CRPPA: variants seen among roughly 807,000 people sequenced by gnomAD.
CRPPA encodes CDP-L-ribitol pyrophosphorylase A.
CRPPA carries 43 observed loss-of-function variants against 52.0 expected under a neutral mutation model. That is an observed-to-expected ratio of 0.83 (90% CI 0.65 to 1.07). The LOEUF is 1.07. CRPPA is among the 50% of genes least tolerant of loss of function. The pLI, the probability that CRPPA is intolerant of heterozygous loss-of-function variation, is 0.00. For synonymous variants in CRPPA, 250 were observed against 203.5 expected, an observed-to-expected ratio of 1.23 and a Z score of -1.94; for missense variants, 629 against 551.7, an observed-to-expected ratio of 1.14 and a Z score of -1.40.
rs1231724290 is a variant in CRPPA at position 16,088,207 on chromosome 7, T to C, written c.*3488A>G. The stretch of plus-strand genomic sequence containing the variant: ...TAAGACGACTAACTTTAATTTGCAT[T>C]TAACTAACTAGCGTAAGTTTAGAAA... On this transcript the variant is annotated 3_prime_UTR_variant, in exon 10 of 10. Coordinates refer to ENST00000407010, the MANE Select transcript of CRPPA (RefSeq NM_001101426.4). The C allele has an allele frequency of 6.6e-6, 1 of 152,188 alleles. No individual in the cohort carries two copies. Among genetic ancestry groups the C allele is most frequent in the Non-Finnish European group, 1.5e-5 (1 of 68,036 alleles). The allele number at this position is 152,188 out of a possible 1,614,324, so 9.4% of individuals were successfully genotyped here.
rs895615222 is a variant in CRPPA at position 16,276,650 on chromosome 7, T to C, written c.933+1479A>G. The C allele has an allele frequency of 2.6e-5, 4 of 152,218 alleles. No individual in the cohort carries two copies. In the South Asian group the frequency reaches 6.2e-4, roughly 24 times the overall value. 9.4% of individuals were successfully genotyped at this position (152,218 alleles called of 1,614,324 possible). A position where few individuals can be genotyped will look rare whatever the true frequency, so the allele number is the denominator to read the frequency against. ...CATGAGCCCTCACTAGAGCATCTAT[T>C]GGAGGATTAGTTCCAGAAAACCAAA... On this transcript the variant is annotated intron_variant, in intron 6 of 9. Coordinates refer to ENST00000407010, the MANE Select transcript of CRPPA (RefSeq NM_001101426.4).
intron 9 of CRPPA, among the ~76,000 whole-genome samples, chr7:16,168,880 C>T (rs1330139469): frequency 6.6e-6 from 1 of 152,146 alleles, no homozygotes; most frequent in African/African-American, 2.4e-5. Context: ...GATAACTACT[C>T]AAGCAATTAC....
intron 9 of CRPPA, among the ~76,000 whole-genome samples, chr7:16,175,076 T>A (rs1781268205): frequency 6.6e-6 from 1 of 152,092 alleles, no homozygotes; most frequent in African/African-American, 2.4e-5. Flanking sequence ...GTACTGTACT[T>A]TAGGCAGTCC....
At chr7:16,287,519 A>G (rs1182566519) in intron 5 of CRPPA, among the ~76,000 whole-genome samples, 1 of 152,140 alleles carries the variant, frequency 6.6e-6, no homozygotes, top group Non-Finnish European at 1.5e-5. Flanking sequence ...TTGGAATCCT[A>G]CCCACCAGTA....
chr7:16,254,191 G>A (rs1169415034), intron 8 of CRPPA, among the ~76,000 whole-genome samples: 2 of 152,246 alleles, frequency 1.3e-5, no homozygotes, highest in South Asian at 2.1e-4. Flanking sequence ...AATTCCTCAA[G>A]GATCTAGAAC....
At chr7:16,391,460 A>G (rs973155736) in intron 2 of CRPPA, among the ~76,000 whole-genome samples, 1 of 152,120 alleles carries the variant, frequency 6.6e-6, no homozygotes, top group African/African-American at 2.4e-5. Flanking sequence ...TCCACAGCCT[A>G]TTCTTCACAA....
In CRPPA at chr7:16,421,107, C is replaced by T; in HGVS notation, c.216G>A (p.Leu72=). The T allele has an allele frequency of 1.5e-6, 2 of 1,308,648 alleles. No individual in the cohort carries two copies. The highest frequency in any genetic ancestry group is 2.0e-6 in the Non-Finnish European group (2 of 1,022,066). The allele number at this position is 1,308,648 out of a possible 1,614,324, so 81.1% of individuals were successfully genotyped here. The part of the protein sequence containing the change: ...VPTPKQFCPI[L]ERPLISYTLQ... Reference sequence around the variant, plus strand: ...GGGTGTAGCTGATGAGCGGCCTCTCCAGGATGGGGCAGAATTGCTTCGGGG... The same window carrying T: ...GGGTGTAGCTGATGAGCGGCCTCTCTAGGATGGGGCAGAATTGCTTCGGGG... The change falls in exon 1 of 10, where the codon CTG becomes CTA. Residue 72 remains leucine (L), a synonymous_variant. Transcript: ENST00000407010.
At chr7:16,179,965 T>C (rs190256163) in intron 9 of CRPPA, among the ~76,000 whole-genome samples, 1 of 152,278 alleles carries the variant, frequency 6.6e-6, no homozygotes, top group African/African-American at 2.4e-5. Flanking sequence ...AAATCTGTTT[T>C]CTGAGCATCA....
At chr7:16,190,685 G>A (rs533708893) in intron 9 of CRPPA, among the ~76,000 whole-genome samples, 10 of 151,960 alleles carry the variant, frequency 6.6e-5, no homozygotes, top group South Asian at 2.1e-4. Flanking sequence ...GTTCTTTAGC[G>A]GTGATTTCTG....
At chr7:16,109,923 T>G (rs1350683508) in intron 9 of CRPPA, among the ~76,000 whole-genome samples, 2 of 151,990 alleles carry the variant, frequency 1.3e-5, no homozygotes, top group Non-Finnish European at 2.9e-5. Flanking sequence ...CACTTCTATT[T>G]TATAGAATAT....
intron 3 of CRPPA, among the ~76,000 whole-genome samples, chr7:16,353,926 G>A (rs530912253): frequency 6.6e-6 from 1 of 152,120 alleles, no homozygotes; most frequent in African/African-American, 2.4e-5. Context: ...TAATTAGCCT[G>A]ATTTCATCAT....
rs1784788268 is a variant in CRPPA at position 16,301,461 on chromosome 7, G to T, written c.795C>A (p.Thr265=). 1 of 1,611,604 alleles carries T rather than the reference G, an allele frequency of 6.2e-7. No individual in the cohort carries two copies. Among genetic ancestry groups the T allele is most frequent in the African/African-American group, 1.3e-5 (1 of 74,848 alleles). ...VEGSPDLWKV[T]YKRDLYAAES... ...CAGCCGCATAGAGATCTCGTTTGTA[G>T]GTCACCTAAAGGACAGATAAACTTC... The change falls in exon 5 of 10, where the codon ACC becomes ACA. Residue 265 remains threonine, a synonymous_variant. Transcript: ENST00000407010.
chr7:16,356,520 G>A (rs967629453), intron 3 of CRPPA, among the ~76,000 whole-genome samples: 3 of 152,154 alleles, frequency 2.0e-5, no homozygotes, highest in Admixed American at 1.3e-4. Context: ...TCTGAGGTCC[G>A]GCTCAGGCTA....
chr7:16,332,462 A>T (rs1253778940), intron 3 of CRPPA, among the ~76,000 whole-genome samples: 3 of 152,210 alleles, frequency 2.0e-5, no homozygotes, highest in Non-Finnish European at 4.4e-5. Flanking sequence ...GTGTACATAT[A>T]CATGCTTATC....
intron 9 of CRPPA, among the ~76,000 whole-genome samples, chr7:16,109,512 A>G (rs950473040): frequency 2.6e-5 from 4 of 151,944 alleles, no homozygotes; most frequent in African/African-American, 7.2e-5. Flanking sequence ...ACTGTATTAC[A>G]AAAACATTAC....
At chr7:16,408,126 A>G (rs540566521) in intron 1 of CRPPA, among the ~76,000 whole-genome samples, 2 of 149,674 alleles carry the variant, frequency 1.3e-5, no homozygotes, top group Non-Finnish European at 3.0e-5. Flanking sequence ...AAAAAATAAA[A>G]AAATAACTTA....
intron 9 of CRPPA, among the ~76,000 whole-genome samples, chr7:16,124,263 A>C (rs1782533665): frequency 6.6e-6 from 1 of 152,022 alleles, no homozygotes; most frequent in African/African-American, 2.4e-5. Context: ...GAAATAGCTC[A>C]TTGTGGTTTA....
intron 9 of CRPPA, chr7:16,209,273 C>CTTTTTGTTTTTTTTTTTTTTTTTTTTTT (rs1782058648): frequency 8.2e-6 from 1 of 122,066 alleles, no homozygotes; most frequent in African/African-American, 2.9e-5. Context: ...TTCTAAGTGT[C>CTTTTTGTTTTTTTTTTTTTTTTTTTTTT]TTTTTTTTTT....
chr7:16,245,638 C>T (rs1783250914), intron 8 of CRPPA, among the ~76,000 whole-genome samples: 1 of 152,266 alleles, frequency 6.6e-6, no homozygotes, highest in Middle Eastern at 3.4e-3. Context: ...CTCATAATAT[C>T]ACCACACTAA....
Sources: allele counts gnomAD v4.1 joint callset (sites outside exome capture counted in the v4.1 genomes callset), GRCh38; gene constraint gnomAD v4.1.1; transcripts MANE v1.5; gene names NCBI Gene and HGNC (gene_info 2026-07-23, HGNC 2026-07-21).